The following CEP350 variants were observed in gnomAD, a reference collection of about 807,000 sequenced individuals.
CEP350 encodes the protein centrosomal protein 350, also known as centrosome-associated protein 350.
CEP350 carries 126 observed loss-of-function variants against 331.8 expected under a neutral mutation model. The observed-to-expected ratio is 0.38, with a 90% CI of 0.33 to 0.44. The LOEUF is 0.44. CEP350 is among the 20% of genes least tolerant of loss of function. The pLI is 1.00. For synonymous variants in CEP350, 1,200 were observed against 1,259.5 expected (o/e 0.95, Z 1.00); for missense variants, 3,406 against 3,634.6 (o/e 0.94, Z 1.62).
At chr1:180,004,906 G>GCTTGCTTTCTTTCTTTCTTT (rs1363516834) in intron 7 of CEP350, among the ~76,000 whole-genome samples, 299 of 130,812 alleles carry the variant, frequency 2.3e-3, no homozygotes, top group Middle Eastern at 0.012. Flanking sequence ...TTGCTTGCTT[G>GCTTGCTTTCTTTCTTTCTTT]CTTTCTTTCT....
intron 1 of CEP350, among the ~76,000 whole-genome samples, chr1:179,966,021 C>T (rs1022474037): frequency 6.6e-6 from 1 of 152,150 alleles, no homozygotes; most frequent in Non-Finnish European, 1.5e-5. Flanking sequence ...AAAGCCTTCT[C>T]TGTACCTGGA....
At chr1:179,990,690 A>G in intron 4 of CEP350, 69 bp downstream of exon 4, 1 of 825,958 alleles carries the variant, frequency 1.2e-6, no homozygotes, top group South Asian at 1.9e-5. Context: ...AGACAGCTAG[A>G]TCTACAGGGG....
At position 180,033,905 on chromosome 1, in the gene CEP350, C is replaced by T. The variant is rs1202576489; in HGVS notation, c.3769C>T (p.Pro1257Ser). 1 of 1,613,880 alleles carries T rather than the reference C, an allele frequency of 6.2e-7. No individual in the cohort carries two copies. Among genetic ancestry groups the T allele is most frequent in the East Asian group, 2.2e-5 (1 of 44,880 alleles). The change falls in exon 16 of 38, where the codon CCC becomes TCC. Residue 1257 changes from proline (P) to serine (S), a missense_variant. By Grantham distance (74) the Pro-to-Ser change is moderately conservative (BLOSUM62 -1). Transcript: ENST00000367607. ...AAGATCTCAGAAAACTCCAACTTCTCCCCTGTCACCAAGTTCCCAGAAATC... is the reference window on the plus strand; with the variant it reads ...AAGATCTCAGAAAACTCCAACTTCTTCCCTGTCACCAAGTTCCCAGAAATC... ...KGRSQKTPTS[P>S]LSPSSQKSLQ... is the part of the protein sequence containing the mutation.
intron 21 of CEP350, among the ~76,000 whole-genome samples, chr1:180,045,682 G>T (rs1476076901): frequency 6.6e-6 from 1 of 152,110 alleles, no homozygotes; most frequent in Non-Finnish European, 1.5e-5. Flanking sequence ...CCTAATACTT[G>T]TCCTCATCCT....
intron 20 of CEP350, 91 bp from the exon 21 acceptor site, chr1:180,043,959 AG>A: frequency 9.0e-7 from 1 of 1,107,140 alleles, no homozygotes; most frequent in Non-Finnish European, 1.2e-6. Context: ...TATTTGTTCA[AG>A]ATTTTATCTC....
chr1:180,106,166 C>T (rs963744229), intron 37 of CEP350, among the ~76,000 whole-genome samples: 17 of 152,156 alleles, frequency 1.1e-4, no homozygotes, highest in African/African-American at 3.1e-4. Context: ...GAAAAATCTC[C>T]GTACTGTAGG....
chr1:179,957,848 A>G (rs1040054007), intron 1 of CEP350, among the ~76,000 whole-genome samples: 3 of 152,212 alleles, frequency 2.0e-5, no homozygotes, highest in African/African-American at 7.2e-5. Flanking sequence ...TATAAACTTT[A>G]AGACCCTAAC....
chr1:179,996,871 T>G lies in CEP350; in HGVS notation c.714T>G (p.Leu238=). 1 of 1,613,960 alleles carries G rather than the reference T, an allele frequency of 6.2e-7. No individual in the cohort carries two copies. Among genetic ancestry groups the G allele is most frequent in the Non-Finnish European group, 8.5e-7 (1 of 1,179,840 alleles). The change falls in exon 6 of 38, where the codon CTT becomes CTG. Residue 238 remains leucine, a synonymous_variant. Coordinates refer to ENST00000367607, the MANE Select transcript of CEP350 (RefSeq NM_014810.5). ...AAGGAAGTGAGAATAATTTGAAGCT[T>G]TCTGTGAATAACATGGCCCATGATA... ...RTKGSENNLK[L]SVNNMAHDTD...
At chr1:180,022,066 C>T (rs557186838) in intron 12 of CEP350, among the ~76,000 whole-genome samples, 24 of 152,300 alleles carry the variant, frequency 1.6e-4, no homozygotes, top group South Asian at 1.2e-3. Flanking sequence ...CTCTTATGCT[C>T]AACTGGGTAT....
chr1:180,012,482 G>A (rs1219140213), intron 9 of CEP350, among the ~76,000 whole-genome samples: 2 of 152,178 alleles, frequency 1.3e-5, no homozygotes, highest in Non-Finnish European at 2.9e-5. Flanking sequence ...TGAAAGAGAA[G>A]TGATTTTTCC....
chr1:179,980,809 G>A (rs567160326), intron 1 of CEP350, among the ~76,000 whole-genome samples: 26 of 151,864 alleles, frequency 1.7e-4, no homozygotes, highest in African/African-American at 5.3e-4. Context: ...GCACAAAGTA[G>A]GTACTCAAAA....
chr1:180,090,363 A>G (rs1303136554), intron 32 of CEP350, among the ~76,000 whole-genome samples: 3 of 151,134 alleles, frequency 2.0e-5, no homozygotes, highest in Non-Finnish European at 4.4e-5. Flanking sequence ...TGGCTAACAC[A>G]GTGAAACCCC....
chr1:180,096,109 C>T lies in CEP350; in HGVS notation c.8991C>T (p.Val2997=), dbSNP rs769292403. 5 of 1,561,542 alleles carry T rather than the reference C, an allele frequency of 3.2e-6. No individual in the cohort carries two copies. In the East Asian group the frequency reaches 1.2e-4, roughly 37 times the overall value. ...AGGATCCCAACTTAAATCAACCTGT[C>T]TGGATGAAGCCATGTAGAATCAACT... ...FAEDPNLNQP[V]WMKPCRINSS... Residue 2997 remains valine, a synonymous_variant, in exon 36 of 38, where the codon GTC becomes GTT. Coordinates refer to ENST00000367607, the MANE Select transcript of CEP350 (RefSeq NM_014810.5).
Position 179,996,533 on chromosome 1 carries a change from CTTA to C in CEP350, c.396-14_396-12del. The C allele has an allele frequency of 6.7e-7, 1 of 1,503,348 alleles. No individual in the cohort carries two copies. Among genetic ancestry groups the C allele is most frequent in the Middle Eastern group, 1.7e-4 (1 of 5,804 alleles). The allele number at this position is 1,503,348 out of a possible 1,614,324, so 93.1% of individuals were successfully genotyped here. ...TATATTATTAATCATAGTCACAGAGCTTATTATTTTTTATTGTAGGGAAATCCA... is the reference window on the plus strand; with the variant it reads ...TATATTATTAATCATAGTCACAGAGCTTATTTTTTATTGTAGGGAAATCCA... On this transcript the variant is annotated splice_polypyrimidine_tract_variant and intron_variant, in intron 5 of 37. Coordinates refer to ENST00000367607, the MANE Select transcript of CEP350 (RefSeq NM_014810.5).
intron 1 of CEP350, chr1:179,969,108 T>G: frequency 1.5e-6 from 1 of 675,262 alleles, no homozygotes; most frequent in South Asian, 1.4e-5. Context: ...TGTGTGGACA[T>G]TGCCATCCCG....
chr1:180,041,363 T>G (rs1656749564), intron 18 of CEP350, 115 bp downstream of exon 18: 1 of 746,424 alleles, frequency 1.3e-6, no homozygotes, highest in Non-Finnish European at 2.1e-6. Context: ...AATAATAAAG[T>G]TTTAGTACTT....
At chr1:180,018,225 G>A (rs958718693) in intron 11 of CEP350, among the ~76,000 whole-genome samples, 2 of 151,998 alleles carry the variant, frequency 1.3e-5, no homozygotes, top group South Asian at 4.2e-4. Flanking sequence ...ATGTTGCCCA[G>A]GCTGGTCTTG....
chr1:180,023,681 T>A (rs926019755), intron 13 of CEP350, among the ~76,000 whole-genome samples: 13 of 152,220 alleles, frequency 8.5e-5, no homozygotes, highest in African/African-American at 3.1e-4. Flanking sequence ...TTATCATTTC[T>A]GTTTTAGACA....
At chr1:179,980,017 G>A (rs1020624820) in intron 1 of CEP350, among the ~76,000 whole-genome samples, 1 of 152,024 alleles carries the variant, frequency 6.6e-6, no homozygotes, top group East Asian at 1.9e-4. Context: ...GCAATTTGGT[G>A]TCTTTTGTGT....
Sources: gnomAD v4.1 joint callset for allele counts (sites outside exome capture counted in the v4.1 genomes callset) on GRCh38, gnomAD v4.1.1 for gene constraint, MANE v1.5 for transcripts, NCBI Gene and HGNC (gene_info 2026-07-23, HGNC 2026-07-21) for gene names.